The following PLSCR4 variants were observed in gnomAD, a reference collection of about 807,000 sequenced individuals.
PLSCR4 encodes the protein Ca(2+)-dependent phospholipid scramblase 4.
PLSCR4 carries 25 observed loss-of-function variants against 36.3 expected under a neutral mutation model. The ratio of observed to expected loss-of-function variants is 0.69; its 90% CI spans 0.50 to 0.96. The LOEUF is 0.96. Among genes scored for constraint, PLSCR4 ranks in the 40% least tolerant of loss-of-function variants. The pLI is 0.00. For synonymous variants in PLSCR4, 122 were observed against 132.9 expected (o/e 0.92, Z 0.56); for missense variants, 408 against 414.7 (o/e 0.98, Z 0.14).
intron 3 of PLSCR4, among the ~76,000 whole-genome samples, chr3:146,220,087 A>G (rs1255661469): frequency 6.6e-6 from 1 of 152,234 alleles, no homozygotes; most frequent in Non-Finnish European, 1.5e-5. Flanking sequence ...CAGTGTCTAC[A>G]TCATTATGTA....
intron 3 of PLSCR4, 81 bp from the exon 4 acceptor site, chr3:146,206,842 A>G: frequency 5.9e-6 from 5 of 850,616 alleles, no homozygotes; most frequent in Non-Finnish European, 9.2e-6. Flanking sequence ...GAAATAGATC[A>G]CACGACATCC....
chr3:146,231,516 AC>A (rs1340474600), intron 1 of PLSCR4, among the ~76,000 whole-genome samples: 2 of 152,092 alleles, frequency 1.3e-5, no homozygotes, highest in African/African-American at 4.8e-5. Context: ...AACTTCACCA[AC>A]ATCTATTATT....
At chr3:146,196,906 T>C in intron 6 of PLSCR4, 113 bp from the exon 7 acceptor site, 1 of 917,246 alleles carries the variant, frequency 1.1e-6, no homozygotes, top group Non-Finnish European at 1.6e-6. Context: ...CTAGGGAAAT[T>C]ATTGTTGGGA....
chr3:146,249,316 G>A (rs1459459300), intron 1 of PLSCR4, among the ~76,000 whole-genome samples: 1 of 151,982 alleles, frequency 6.6e-6, no homozygotes, highest in East Asian at 1.9e-4. Context: ...GACTACATTT[G>A]TCTATTAACA....
Position 146,206,684 on chromosome 3 carries a change from G to A in PLSCR4, c.196C>T (p.Pro66Ser), listed in dbSNP as rs1404006036. The A allele has an allele frequency of 1.2e-6, 2 of 1,612,910 alleles. No individual in the cohort carries two copies. Among genetic ancestry groups the A allele is most frequent in the African/African-American group, 2.7e-5 (2 of 74,976 alleles). ...GGCTGGTACAAAGGGAAGGTACTGG[G>A]TTGCTGTGGACTGTAGTATCCCATA... Reference protein sequence around the residue: ...LPMGYYSPQQPSTFPLYQPVG... With the variant: ...LPMGYYSPQQSSTFPLYQPVG... Residue 66 changes from proline to serine, a missense_variant, in exon 4 of 9, where the codon CCC (proline) becomes TCC (serine). By Grantham distance (74) the Pro-to-Ser change is moderately conservative. Coordinates refer to ENST00000354952, the MANE Select transcript of PLSCR4 (RefSeq NM_020353.3).
intron 4 of PLSCR4, among the ~76,000 whole-genome samples, chr3:146,204,835 T>C (rs2034237808): frequency 6.6e-6 from 1 of 152,062 alleles, no homozygotes; most frequent in Non-Finnish European, 1.5e-5. Context: ...GCTACAAACA[T>C]TTTATTATCT....
intron 6 of PLSCR4, among the ~76,000 whole-genome samples, chr3:146,197,892 A>G: frequency 6.6e-6 from 1 of 152,184 alleles, no homozygotes; most frequent in East Asian, 1.9e-4. Context: ...AAATATATAA[A>G]TTTGAGAGTA....
intron 8 of PLSCR4, 27 bp from the exon 9 acceptor site, chr3:146,194,482 A>G: frequency 7.4e-7 from 1 of 1,357,648 alleles, no homozygotes; most frequent in Non-Finnish European, 1.1e-6. Flanking sequence ...AATTATATGT[A>G]GATATATAGA....
In PLSCR4 at chr3:146,195,192, C is replaced by G; in HGVS notation, c.877G>C (p.Asp293His). 6.2e-7 allele frequency: 1 copy of G among 1,613,800 alleles called. No homozygotes were observed. The highest frequency in any genetic ancestry group is 8.5e-7 in the Non-Finnish European group (1 of 1,179,750). The change falls in exon 8 of 9, where the codon GAC becomes CAC. Residue 293 changes from aspartate (D) to histidine (H), a missense_variant. Physicochemically the swap from Asp to His is moderately conservative, Grantham distance 81. Coordinates refer to ENST00000354952, the MANE Select transcript of PLSCR4 (RefSeq NM_020353.3). The stretch of plus-strand genomic sequence containing the variant: ...TCCAGGTCTAGTGGGAAGTGAATGT[C>G]AAAATGGTCAGCATCTGCCATTGCT... Reference protein sequence around the residue: ...LSAMADADHFDIHFPLDLDVK... With the variant: ...LSAMADADHFHIHFPLDLDVK...
chr3:146,199,547 C>T (rs1321611039), intron 6 of PLSCR4, among the ~76,000 whole-genome samples: 1 of 152,034 alleles, frequency 6.6e-6, no homozygotes, highest in Non-Finnish European at 1.5e-5. Flanking sequence ...TAAGTAGATG[C>T]AACTGATGGA....
chr3:146,236,083 C>T (rs1362593718), intron 1 of PLSCR4, among the ~76,000 whole-genome samples: 2 of 151,986 alleles, frequency 1.3e-5, no homozygotes, highest in Admixed American at 6.6e-5. Flanking sequence ...TGCAGCCCAG[C>T]CATGTGGTAG....
intron 6 of PLSCR4, 98 bp downstream of exon 6, chr3:146,199,715 G>A: frequency 1.0e-6 from 1 of 974,574 alleles, no homozygotes; most frequent in Non-Finnish European, 1.6e-6. Flanking sequence ...CTGGCTGGCA[G>A]GGCCAGGGAA....
chr3:146,196,302 A>C (rs1252467033), intron 7 of PLSCR4: 1 of 240,132 alleles, frequency 4.2e-6, no homozygotes, highest in African/African-American at 2.2e-5. Flanking sequence ...CCAGCCTAGA[A>C]ATCTAGGGAA....
chr3:146,206,970 A>G (rs768964346), intron 3 of PLSCR4, among the ~76,000 whole-genome samples: 5 of 152,056 alleles, frequency 3.3e-5, no homozygotes, highest in Non-Finnish European at 5.9e-5. Context: ...TAATCCTCTT[A>G]AAGCTTATAA....
rs1357888680 is a variant in PLSCR4, at chr3:146,212,427, T to TG, written c.119-5667_119-5666insC. ...TGCTGTTTGTGGGTATATATGGGTT[T>TG]TTTTGTTTTGTTTTTTTTTGTTTTT... On this transcript the variant is annotated intron_variant, in intron 3 of 8. Transcript: ENST00000354952. Among the ~76,000 whole-genome samples, 7 of 88,062 alleles carry TG rather than the reference T, an allele frequency of 7.9e-5. 1 individual carries two copies. Among genetic ancestry groups the TG allele is most frequent in the African/African-American group, 3.4e-4 (7 of 20,434 alleles). The allele number at this position is 88,062 out of a possible 152,430, so 57.8% of individuals were successfully genotyped here. A position where few individuals can be genotyped will look rare whatever the true frequency, so the allele number is the denominator to read the frequency against.
intron 2 of PLSCR4, among the ~76,000 whole-genome samples, chr3:146,221,811 A>T (rs1257035547): frequency 6.6e-6 from 1 of 152,002 alleles, no homozygotes; most frequent in Non-Finnish European, 1.5e-5. Flanking sequence ...TTCCCCACAA[A>T]CTTCAAAGAT....
chr3:146,206,075 G>T (rs2034312173), intron 4 of PLSCR4, among the ~76,000 whole-genome samples: 1 of 151,970 alleles, frequency 6.6e-6, no homozygotes, highest in African/African-American at 2.4e-5. Context: ...GTTTGTTTTT[G>T]GGGGTGACAA....
rs144755073 is a variant in PLSCR4, at chr3:146,196,053, C to T, written c.786+579G>A. Among the ~76,000 whole-genome samples the T allele has an allele frequency of 2.9e-3, 444 of 152,140 alleles. 2 individuals carry two copies. Among genetic ancestry groups the T allele is most frequent in the Admixed American group, 6.4e-3 (97 of 15,268 alleles). On this transcript the variant is annotated intron_variant, in intron 7 of 8. Transcript: ENST00000354952. Reference sequence around the variant, plus strand: ...TTCTAGGAATTTCCTGTGTCAGACTCGTAGGGTAATGAACCAGCATTTTGT... The same window carrying T: ...TTCTAGGAATTTCCTGTGTCAGACTTGTAGGGTAATGAACCAGCATTTTGT...
intron 1 of PLSCR4, 184 bp from the exon 2 acceptor site, chr3:146,222,276 G>C (rs1512889): frequency 4.9e-5 from 16 of 325,514 alleles, no homozygotes; most frequent in Non-Finnish European, 8.6e-5. Flanking sequence ...TACAGATGTT[G>C]AGAGTACAGC....
Sources: gnomAD v4.1 joint callset for allele counts (sites outside exome capture counted in the v4.1 genomes callset) on GRCh38, gnomAD v4.1.1 for gene constraint, MANE v1.5 for transcripts, NCBI Gene and HGNC (gene_info 2026-07-23, HGNC 2026-07-21) for gene names.